The following FOXN3 variants were observed in gnomAD, a reference collection of about 807,000 sequenced individuals.
FOXN3 encodes the protein forkhead box N3.
Under a neutral mutation model 38.4 loss-of-function variants are expected in FOXN3, and 7 were observed. The observed-to-expected ratio is 0.18, with a 90% CI of 0.10 to 0.34. The LOEUF (loss-of-function observed/expected upper bound fraction) is 0.34, where lower values mean the gene tolerates loss of function less well. Among genes scored for constraint, FOXN3 ranks in the 10% least tolerant of loss-of-function variants. FOXN3 has a pLI of 1.00. For missense variants in FOXN3, 456 were observed against 613.4 expected (o/e 0.74, Z 2.71); for synonymous variants, 230 against 242.2 (o/e 0.95, Z 0.47).
At chr14:89,529,336 G>A (rs965977007) in intron 1 of FOXN3, among the ~76,000 whole-genome samples, 14 of 152,122 alleles carry the variant, frequency 9.2e-5, no homozygotes, top group Admixed American at 4.6e-4. Flanking sequence ...TTTGCTCCAC[G>A]GCATTCCTGA....
At chr14:89,232,571 G>A (rs1288794801) in intron 4 of FOXN3, among the ~76,000 whole-genome samples, 2 of 152,166 alleles carry the variant, frequency 1.3e-5, no homozygotes, top group Admixed American at 6.5e-5. Context: ...TTTTCAGAGG[G>A]AACATGAGCA....
At chr14:89,587,173 A>C (rs1358687775) in intron 1 of FOXN3, among the ~76,000 whole-genome samples, 1 of 152,212 alleles carries the variant, frequency 6.6e-6, no homozygotes, top group Non-Finnish European at 1.5e-5. Flanking sequence ...TTTTCGGGGG[A>C]ACCCCGGTCT....
chr14:89,193,216 G>T (rs17125478), intron 4 of FOXN3, among the ~76,000 whole-genome samples: 1 of 151,986 alleles, frequency 6.6e-6, no homozygotes, highest in Non-Finnish European at 1.5e-5. Flanking sequence ...AGTTTTTCTC[G>T]GTGGCCAGGA....
intron 2 of FOXN3, among the ~76,000 whole-genome samples, chr14:89,354,374 C>CG (rs1427050717): frequency 4.0e-5 from 6 of 150,538 alleles, no homozygotes; most frequent in Non-Finnish European, 7.4e-5. Flanking sequence ...TACAGGCACC[C>CG]GCCACCACGC....
At chr14:89,501,755 G>A (rs1314660908) in intron 1 of FOXN3, among the ~76,000 whole-genome samples, 1 of 152,176 alleles carries the variant, frequency 6.6e-6, no homozygotes, top group Non-Finnish European at 1.5e-5. Flanking sequence ...CACTGAGGCA[G>A]GAGAATCGCT....
intron 1 of FOXN3, among the ~76,000 whole-genome samples, chr14:89,517,350 G>A (rs1386304577): frequency 3.1e-5 from 3 of 96,882 alleles, no homozygotes; most frequent in African/African-American, 1.3e-4. Flanking sequence ...AAGAGACCCT[G>A]TCTTAAAAAA....
chr14:89,255,091 C>A (rs1314492371), intron 4 of FOXN3, among the ~76,000 whole-genome samples: 1 of 152,210 alleles, frequency 6.6e-6, no homozygotes, highest in Admixed American at 6.5e-5. Context: ...ATAAAGCTCT[C>A]TCTGAACACA....
intron 1 of FOXN3, among the ~76,000 whole-genome samples, chr14:89,511,223 CTTTCTT>C (rs1894071654): frequency 5.0e-5 from 1 of 20,182 alleles, no homozygotes; most frequent in Non-Finnish European, 2.3e-4. Context: ...TTCTTTCTTT[CTTTCTT>C]TTCTTTCCTT....
chr14:89,531,177 A>G (rs1894559946), intron 1 of FOXN3, among the ~76,000 whole-genome samples: 1 of 150,956 alleles, frequency 6.6e-6, no homozygotes, highest in East Asian at 1.9e-4. Flanking sequence ...GTATAAATGT[A>G]TATGTATGAC....
intron 3 of FOXN3, among the ~76,000 whole-genome samples, chr14:89,285,089 C>T (rs909511681): frequency 2.0e-5 from 3 of 152,180 alleles, no homozygotes; most frequent in African/African-American, 7.2e-5. Context: ...GGATTATAAA[C>T]CAAGACCCTG....
rs571257593 is a variant in FOXN3 at position 89,528,657 on chromosome 14, AC to A, written c.-15+90370del. Among the ~76,000 whole-genome samples, 1,436 of 152,044 alleles carry A rather than the reference AC, an allele frequency of 9.4e-3. 20 individuals carry two copies. Among genetic ancestry groups the A allele is most frequent in the African/African-American group, 0.033 (1,362 of 41,468 alleles). On this transcript the variant is annotated intron_variant, in intron 1 of 6. Coordinates refer to the FOXN3 transcript ENST00000345097. The stretch of plus-strand genomic sequence containing the variant: ...ATGATCTGCCCACCTTGGCCTCCCA[AC>A]GTGCTGGGATTACAGGTGTGAGCCA...
chr14:89,326,974 A>G (rs758873756), intron 3 of FOXN3, among the ~76,000 whole-genome samples: 10 of 152,224 alleles, frequency 6.6e-5, no homozygotes, highest in African/African-American at 1.9e-4. Flanking sequence ...ATATGCACAC[A>G]CACACATGCT....
chr14:89,492,590 T>C (rs998978370), intron 1 of FOXN3, among the ~76,000 whole-genome samples: 1 of 152,282 alleles, frequency 6.6e-6, no homozygotes, highest in Non-Finnish European at 1.5e-5. Context: ...TATGTGCCTG[T>C]TGTCCCGGCT....
chr14:89,404,741 C>T (rs1454047225), intron 2 of FOXN3, among the ~76,000 whole-genome samples: 1 of 152,034 alleles, frequency 6.6e-6, no homozygotes, highest in Non-Finnish European at 1.5e-5. Context: ...GAGAAGGAGG[C>T]CGTCTTCAGG....
chr14:89,396,320 C>A (rs1443623638), intron 2 of FOXN3, among the ~76,000 whole-genome samples: 2 of 152,312 alleles, frequency 1.3e-5, no homozygotes, highest in Middle Eastern at 3.4e-3. Context: ...AGAGGTGAAG[C>A]AATGCACTGA....
chr14:89,382,781 A>G, intron 2 of FOXN3, among the ~76,000 whole-genome samples: 1 of 152,186 alleles, frequency 6.6e-6, no homozygotes, highest in East Asian at 1.9e-4. Flanking sequence ...ACCGCTTGGC[A>G]AAGAGGGGAT....
intron 1 of FOXN3, among the ~76,000 whole-genome samples, chr14:89,495,732 G>A (rs1893665976): frequency 6.6e-6 from 1 of 152,110 alleles, no homozygotes; most frequent in Non-Finnish European, 1.5e-5. Flanking sequence ...GTATCACAAA[G>A]CATTTTGACA....
chr14:89,428,219 A>C (rs576967323), intron 1 of FOXN3, among the ~76,000 whole-genome samples: 12 of 152,322 alleles, frequency 7.9e-5, no homozygotes, highest in Admixed American at 7.8e-4. Context: ...CTGCAGCACA[A>C]AGTTCTTTTT....
intron 1 of FOXN3, among the ~76,000 whole-genome samples, chr14:89,572,470 G>A (rs10140664): frequency 0.011 from 1,704 of 152,274 alleles, 31 homozygotes; most frequent in African/African-American, 0.039. Flanking sequence ...AGGGCAGCCC[G>A]AGAATCGCCC....
Sources: gnomAD v4.1 joint callset for allele counts (sites outside exome capture counted in the v4.1 genomes callset) on GRCh38, gnomAD v4.1.1 for gene constraint, MANE v1.5 for transcripts, NCBI Gene and HGNC (gene_info 2026-07-23, HGNC 2026-07-21) for gene names.